Variants in PTGER4 observed in about 807,000 individuals in gnomAD.
The protein encoded by PTGER4 is prostaglandin E2 receptor EP4 subtype.
PTGER4 carries 11 observed loss-of-function variants against 33.2 expected under a neutral mutation model. The ratio of observed to expected loss-of-function variants is 0.33; its 90% CI spans 0.21 to 0.55. The LOEUF (loss-of-function observed/expected upper bound fraction) is 0.55, where lower values mean the gene tolerates loss of function less well. Ranked by LOEUF, PTGER4 falls within the 20% of genes least tolerant of loss-of-function variation. The pLI, the probability that PTGER4 is intolerant of heterozygous loss-of-function variation, is 0.92. For synonymous variants in PTGER4, 275 were observed against 281.5 expected (o/e 0.98, Z 0.23); for missense variants, 481 against 650.2 (o/e 0.74, Z 2.83).
At chr5:40,699,737 G>A in the PTGER4 span, among the ~76,000 whole-genome samples, 5 of 151,978 alleles carry the variant, frequency 3.3e-5, no homozygotes, top group Non-Finnish European at 7.4e-5. Flanking sequence ...GAATAAAAGA[G>A]AAATATTATC....
the PTGER4 span, chr5:40,730,477 G>T: frequency 1.7e-6 from 1 of 599,792 alleles, no homozygotes; most frequent in Non-Finnish European, 2.9e-6. Context: ...GAGGCATTAA[G>T]TAGCATTAAG....
chr5:40,689,937 A>C (rs919351666), intron 2 of PTGER4, among the ~76,000 whole-genome samples: 1 of 152,140 alleles, frequency 6.6e-6, no homozygotes, highest in Non-Finnish European at 1.5e-5. Flanking sequence ...TTTCTATGTG[A>C]ATTACCACTA....
At position 40,692,103 on chromosome 5, in the gene PTGER4, G is replaced by C; in HGVS notation, c.1192G>C (p.Asp398His). The C allele has an allele frequency of 6.2e-7, 1 of 1,614,190 alleles. No individual in the cohort carries two copies. Among genetic ancestry groups the C allele is most frequent in the Non-Finnish European group, 8.5e-7 (1 of 1,180,046 alleles). The change falls in exon 3 of 3, where the codon GAC becomes CAC. Residue 398 changes from aspartate to histidine, a missense_variant. Around this residue, in one of 7 missense-constraint regions of PTGER4, gnomAD observed 172 missense variants for 199.2 expected, o/e 0.86. Coordinates refer to ENST00000302472, the MANE Select transcript of PTGER4 (RefSeq NM_000958.3). The stretch of plus-strand genomic sequence containing the variant: ...CAGTACATCTCAGACCCTCCTGCCA[G>C]ACCTCTCACTGCCAGACCTCAGTGA... The part of the protein sequence containing the change: ...ISSTSQTLLP[D>H]LSLPDLSENG...
At chr5:40,708,034 G>A in the PTGER4 span, among the ~76,000 whole-genome samples, 1 of 152,202 alleles carries the variant, frequency 6.6e-6, no homozygotes. Context: ...TTAAAGCAGT[G>A]TGTAGAGGGA....
chr5:40,744,552 C>A, the PTGER4 span, among the ~76,000 whole-genome samples: 3 of 112,322 alleles, frequency 2.7e-5, no homozygotes, highest in Admixed American at 9.6e-5. Flanking sequence ...AATTCATTTT[C>A]TTTTAAATTC....
the PTGER4 span, among the ~76,000 whole-genome samples, chr5:40,725,649 T>C: frequency 6.6e-6 from 1 of 152,142 alleles, no homozygotes; most frequent in African/African-American, 2.4e-5. Context: ...TACTGTTACC[T>C]CCTGGTATTC....
At chr5:40,716,196 C>G in the PTGER4 span, 1 of 1,614,008 alleles carries the variant, frequency 6.2e-7, no homozygotes, top group Non-Finnish European at 8.5e-7. Flanking sequence ...CACCATCCTC[C>G]TTTTCAGTTA....
chr5:40,736,702 A>G, the PTGER4 span, among the ~76,000 whole-genome samples: 68 of 152,328 alleles, frequency 4.5e-4, no homozygotes, highest in East Asian at 9.3e-3. Flanking sequence ...GGTGCTAGGT[A>G]GCATGCTTTT....
chr5:40,720,548 A>G, the PTGER4 span, among the ~76,000 whole-genome samples: 1 of 152,226 alleles, frequency 6.6e-6, no homozygotes, highest in Non-Finnish European at 1.5e-5. Context: ...AAATCTCCCA[A>G]GGGCACTCCT....
the PTGER4 span, chr5:40,716,379 T>A: frequency 6.2e-7 from 1 of 1,614,116 alleles, no homozygotes; most frequent in Non-Finnish European, 8.5e-7. Context: ...CTTCACTTTT[T>A]TTAATCCTCT....
the PTGER4 span, among the ~76,000 whole-genome samples, chr5:40,729,803 G>A: frequency 6.6e-6 from 1 of 152,024 alleles, no homozygotes. Flanking sequence ...CGTTCAAGTG[G>A]TCCTCCTGCC....
chr5:40,725,652 T>G, the PTGER4 span, among the ~76,000 whole-genome samples: 2 of 152,170 alleles, frequency 1.3e-5, no homozygotes, highest in Non-Finnish European at 2.9e-5. Context: ...TGTTACCTCC[T>G]GGTATTCATT....
the PTGER4 span, among the ~76,000 whole-genome samples, chr5:40,702,668 T>C: frequency 6.6e-6 from 1 of 152,364 alleles, no homozygotes; most frequent in African/African-American, 2.4e-5. Context: ...ATGGATCTGA[T>C]AGACCTTTAC....
At chr5:40,716,329 G>A in the PTGER4 span, 1 of 1,614,144 alleles carries the variant, frequency 6.2e-7, no homozygotes, top group Non-Finnish European at 8.5e-7. Context: ...GTCATAGTCT[G>A]GAATTGACTT....
the PTGER4 span, among the ~76,000 whole-genome samples, chr5:40,739,085 T>C: frequency 6.6e-6 from 1 of 152,192 alleles, no homozygotes; most frequent in African/African-American, 2.4e-5. Context: ...CATTTCTGTA[T>C]CATATATTAT....
the PTGER4 span, chr5:40,714,444 A>G: frequency 6.6e-6 from 1 of 152,240 alleles, no homozygotes; most frequent in African/African-American, 2.4e-5. Flanking sequence ...TCAAAAGCTA[A>G]CAACATAAAA....
the PTGER4 span, chr5:40,716,123 A>G: frequency 6.5e-7 from 1 of 1,539,616 alleles, no homozygotes; most frequent in African/African-American, 1.4e-5. Context: ...AGACAGATTC[A>G]AATAATCCTA....
chr5:40,712,032 C>G, the PTGER4 span, among the ~76,000 whole-genome samples: 1 of 152,056 alleles, frequency 6.6e-6, no homozygotes, highest in South Asian at 2.1e-4. Context: ...ACTCTCCCAA[C>G]TATAACGTTA....
Position 40,692,888 on chromosome 5 carries a change from G to A in PTGER4, c.*510G>A. On this transcript the variant is annotated 3_prime_UTR_variant, in exon 3 of 3. Coordinates refer to ENST00000302472, the MANE Select transcript of PTGER4 (RefSeq NM_000958.3). Reference sequence around the variant, plus strand: ...TGAGAAGGTTTATTGTTAATACAAGGTATAATAAAATTATCGCAACCCCTC... The same window carrying A: ...TGAGAAGGTTTATTGTTAATACAAGATATAATAAAATTATCGCAACCCCTC... 1 of 982,918 alleles carries A rather than the reference G, an allele frequency of 1.0e-6. No individual in the cohort carries two copies. Among genetic ancestry groups the A allele is most frequent in the South Asian group, 4.7e-5 (1 of 21,234 alleles). The allele number at this position is 982,918 out of a possible 1,614,324, so 60.9% of individuals were successfully genotyped here. A position where few individuals can be genotyped will look rare whatever the true frequency, so the allele number is the denominator to read the frequency against.
Sources: allele counts gnomAD v4.1 joint callset (sites outside exome capture counted in the v4.1 genomes callset), GRCh38; gene constraint gnomAD v4.1.1; regional missense constraint gnomAD v4.1.1; transcripts MANE v1.5; gene names NCBI Gene and HGNC (gene_info 2026-07-23, HGNC 2026-07-21).